CALN1: variants seen among roughly 807,000 people sequenced by gnomAD.
The protein encoded by CALN1 is calneuron 1, also known as calcium-binding protein 8.
A neutral mutation model predicts 30.6 loss-of-function variants in CALN1; 17 were observed. The observed-to-expected ratio is 0.56, with a 90% CI of 0.38 to 0.83. The LOEUF is 0.83. CALN1 is among the 40% of genes least tolerant of loss of function. CALN1 has a pLI of 0.00. For synonymous variants in CALN1, 156 were observed against 131.4 expected, an observed-to-expected ratio of 1.19 and a Z score of -1.28; for missense variants, 291 against 354.9, an observed-to-expected ratio of 0.82 and a Z score of 1.45.
intron 3 of CALN1, among the ~76,000 whole-genome samples, chr7:72,266,123 G>A (rs372678678): frequency 7.9e-5 from 12 of 151,532 alleles, no homozygotes; most frequent in African/African-American, 2.9e-4. Flanking sequence ...AACAGACCAA[G>A]ATCCTATCTC....
chr7:71,854,710 A>C (rs1010599702), intron 5 of CALN1, among the ~76,000 whole-genome samples: 7 of 152,260 alleles, frequency 4.6e-5, no homozygotes, highest in Admixed American at 4.6e-4. Context: ...CTCTCTCGAA[A>C]GATCACAGAA....
chr7:72,501,948 T>TATATATATATATACACAC, the CALN1 span, among the ~76,000 whole-genome samples: 3 of 72,352 alleles, frequency 4.1e-5, no homozygotes, highest in East Asian at 5.6e-4. Context: ...TATATATATA[T>TATATATATATATACACAC]ACACACATAT....
chr7:72,398,626 T>C (rs188274258), intron 2 of CALN1, among the ~76,000 whole-genome samples: 13 of 152,314 alleles, frequency 8.5e-5, no homozygotes, highest in South Asian at 2.1e-4. Flanking sequence ...GGTGGCATCA[T>C]GGATGAGTCA....
At position 71,965,173 on chromosome 7, in the gene CALN1, AC is replaced by A. The variant is rs199943822; in HGVS notation, c.501+58483del. Among the ~76,000 whole-genome samples the A allele has an allele frequency of 3.3e-4, 50 of 152,184 alleles. No individual in the cohort carries two copies. The East Asian group carries it at 9.7e-3, about 29-fold the overall frequency. On this transcript the variant is annotated intron_variant, in intron 5 of 6. Coordinates refer to ENST00000395275, the MANE Select transcript of CALN1 (RefSeq NM_031468.4). ...CTTCCAAGTAGCTGAGAACACAGGC[AC>A]ATGTCACCCCACCCAGCTAAACTTT...
chr7:72,021,405 A>C (rs1479721537), intron 5 of CALN1, among the ~76,000 whole-genome samples: 1 of 152,192 alleles, frequency 6.6e-6, no homozygotes, highest in Non-Finnish European at 1.5e-5. Context: ...TCCATGGGTC[A>C]AAAGATGGCC....
the CALN1 span, among the ~76,000 whole-genome samples, chr7:72,472,706 C>T: frequency 6.6e-5 from 10 of 152,200 alleles, no homozygotes; most frequent in South Asian, 2.1e-4. Context: ...TGCTTGAATC[C>T]GGGAGGCAGA....
intron 2 of CALN1, among the ~76,000 whole-genome samples, chr7:72,361,434 A>T (rs1562921688): frequency 6.6e-6 from 1 of 152,172 alleles, no homozygotes; most frequent in Non-Finnish European, 1.5e-5. Flanking sequence ...TGAACCCAGG[A>T]GTTTGAGGCT....
intron 4 of CALN1, among the ~76,000 whole-genome samples, chr7:72,055,423 TA>T (rs768695178): frequency 2.2e-4 from 34 of 152,136 alleles, no homozygotes; most frequent in East Asian, 3.9e-4. Flanking sequence ...AATATGGTAA[TA>T]GGGGTAATGA....
intron 2 of CALN1, among the ~76,000 whole-genome samples, chr7:72,382,980 G>A (rs1392217917): frequency 6.6e-6 from 1 of 152,118 alleles, no homozygotes; most frequent in Non-Finnish European, 1.5e-5. Context: ...TAGAGATGGG[G>A]TTTCACCATA....
At chr7:72,307,324 T>C (rs746763309) in intron 2 of CALN1, among the ~76,000 whole-genome samples, 25 of 152,306 alleles carry the variant, frequency 1.6e-4, no homozygotes, top group Non-Finnish European at 3.1e-4. Context: ...ATGAGAATGT[T>C]TGGAAATAAG....
At chr7:71,824,179 G>A (rs1788774358) in intron 5 of CALN1, among the ~76,000 whole-genome samples, 1 of 152,018 alleles carries the variant, frequency 6.6e-6, no homozygotes, top group African/African-American at 2.4e-5. Context: ...TGTTTAGTGT[G>A]GGGAAAGAGC....
At chr7:72,161,464 T>A (rs1160936662) in intron 3 of CALN1, among the ~76,000 whole-genome samples, 1 of 152,160 alleles carries the variant, frequency 6.6e-6, no homozygotes, top group Non-Finnish European at 1.5e-5. Flanking sequence ...TACCCCAGAT[T>A]TCTCATATAA....
intron 5 of CALN1, among the ~76,000 whole-genome samples, chr7:71,812,573 A>G (rs1215884989): frequency 6.6e-6 from 1 of 152,232 alleles, no homozygotes; most frequent in Non-Finnish European, 1.5e-5. Flanking sequence ...ACAGAGCACT[A>G]CAAGAAAGAG....
chr7:71,935,440 A>G (rs1795776577), intron 5 of CALN1, among the ~76,000 whole-genome samples: 1 of 152,190 alleles, frequency 6.6e-6, no homozygotes, highest in South Asian at 2.1e-4. Context: ...ATTAAAAGGC[A>G]TCCCTCTAGG....
chr7:72,455,333 G>A, the CALN1 span, among the ~76,000 whole-genome samples: 81 of 136,370 alleles, frequency 5.9e-4, no homozygotes, highest in African/African-American at 2.1e-3. Flanking sequence ...GTGTGTGTGT[G>A]TGTGTGTGTG....
At chr7:71,849,063 C>T (rs902338292) in intron 5 of CALN1, among the ~76,000 whole-genome samples, 3 of 152,086 alleles carry the variant, frequency 2.0e-5, no homozygotes, top group Non-Finnish European at 4.4e-5. Flanking sequence ...CTTCTGGATA[C>T]GGGTGTCTTA....
intron 4 of CALN1, among the ~76,000 whole-genome samples, chr7:72,031,394 G>T (rs1256722220): frequency 6.6e-6 from 1 of 152,166 alleles, no homozygotes; most frequent in Non-Finnish European, 1.5e-5. Context: ...CAGGCACTGA[G>T]CTCAGGGCTT....
At position 72,098,762 on chromosome 7, in the gene CALN1, GCGCA is replaced by G. The variant is rs1265491825; in HGVS notation, c.388+7385_388+7388del. ...CTCTGAGCAGTTCAGCCCATTTGGC[GCGCA>G]CACACACACACACACACACACACAC... is the stretch of plus-strand genomic sequence containing the variant. On this transcript the variant is annotated intron_variant, in intron 4 of 6. Coordinates refer to ENST00000395275, the MANE Select transcript of CALN1 (RefSeq NM_031468.4). Among the ~76,000 whole-genome samples, 349 of 115,298 alleles carry G rather than the reference GCGCA, an allele frequency of 3.0e-3. 2 individuals carry two copies. The highest frequency in any genetic ancestry group is 6.8e-3 in the African/African-American group (200 of 29,512). 75.6% of individuals were successfully genotyped at this position (115,298 alleles called of 152,430 possible).
At chr7:71,937,253 T>C (rs1795887139) in intron 5 of CALN1, among the ~76,000 whole-genome samples, 1 of 151,970 alleles carries the variant, frequency 6.6e-6, no homozygotes, top group Admixed American at 6.6e-5. Context: ...GAGGTTGCAG[T>C]GAGCTGAGAT....
Sources: gnomAD v4.1 joint callset for allele counts (sites outside exome capture counted in the v4.1 genomes callset) on GRCh38, gnomAD v4.1.1 for gene constraint, MANE v1.5 for transcripts, NCBI Gene and HGNC (gene_info 2026-07-23, HGNC 2026-07-21) for gene names.